The following CCDC192 variants were observed in gnomAD, a reference collection of about 807,000 sequenced individuals.
CCDC192 encodes coiled-coil domain-containing protein 192.
Position 127,785,643 on chromosome 5 carries a change from G to A in CCDC192, c.223-11460G>A, listed in dbSNP as rs565532526. On this transcript the variant is annotated intron_variant, in intron 3 of 6. Transcript: ENST00000514853. ...TTCTGGTAGATGAGCCTCTTGGCCA[G>A]CATTTTTGCATAGAACTTCTGAAAC... The A allele has an allele frequency of 9.6e-5, 16 of 166,224 alleles. No individual in the cohort carries two copies. In the South Asian group the frequency reaches 1.9e-3, roughly 19 times the overall value. 10.3% of individuals were successfully genotyped at this position (166,224 alleles called of 1,614,324 possible).
At chr5:127,793,602 A>T (rs1757002723) in intron 3 of CCDC192, among the ~76,000 whole-genome samples, 1 of 152,332 alleles carries the variant, frequency 6.6e-6, no homozygotes, top group Non-Finnish European at 1.5e-5. Context: ...ACACAAGTTA[A>T]TTCACCACTA....
chr5:127,708,887 C>T (rs891945369), intron 2 of CCDC192, among the ~76,000 whole-genome samples: 1 of 151,860 alleles, frequency 6.6e-6, no homozygotes, highest in Non-Finnish European at 1.5e-5. Context: ...CGTTGGAATC[C>T]CGGCATCACT....
chr5:127,867,149 T>C (rs1751646874), intron 5 of CCDC192, among the ~76,000 whole-genome samples: 1 of 152,206 alleles, frequency 6.6e-6, no homozygotes, highest in Admixed American at 6.5e-5. Context: ...CCAAAAACTC[T>C]AAAGGTGAAT....
At chr5:127,908,573 A>G (rs1753261814) in intron 6 of CCDC192, among the ~76,000 whole-genome samples, 1 of 152,262 alleles carries the variant, frequency 6.6e-6, no homozygotes, top group Non-Finnish European at 1.5e-5. Context: ...CACATGCTCA[A>G]GAAAAACTTA....
chr5:127,809,058 G>T (rs1757942126), intron 5 of CCDC192, among the ~76,000 whole-genome samples: 1 of 152,048 alleles, frequency 6.6e-6, no homozygotes, highest in African/African-American at 2.4e-5. Context: ...ATAAAAATTT[G>T]CATCTCAAGG....
chr5:127,723,323 CTAAATTTG>C (rs967761064), intron 2 of CCDC192, among the ~76,000 whole-genome samples: 6 of 150,708 alleles, frequency 4.0e-5, no homozygotes, highest in African/African-American at 1.2e-4. Flanking sequence ...TACAACTTTA[CTAAATTTG>C]TTTGTCAGTT....
At chr5:127,894,122 T>G (rs959561554) in intron 6 of CCDC192, among the ~76,000 whole-genome samples, 1 of 151,980 alleles carries the variant, frequency 6.6e-6, no homozygotes, top group African/African-American at 2.4e-5. Context: ...CAGGCCCTAC[T>G]ACTTAAAGGA....
At chr5:127,791,850 T>C (rs937257499) in intron 3 of CCDC192, among the ~76,000 whole-genome samples, 12 of 152,138 alleles carry the variant, frequency 7.9e-5, no homozygotes, top group Admixed American at 3.3e-4. Flanking sequence ...AAGAAGACAC[T>C]GACAGAAACC....
In CCDC192 at chr5:127,884,269, G is replaced by T. The variant is rs546921783; in HGVS notation, c.535+8608G>T. ...GAGGCAGAAGAATGGCGTGAACCCG[G>T]GAGGCGGAGCTTGCAGTGAGGCGAG... On this transcript the variant is annotated intron_variant, in intron 6 of 6. Coordinates refer to ENST00000514853, the MANE Select transcript of CCDC192 (RefSeq NM_001317938.2). Among the ~76,000 whole-genome samples the T allele has an allele frequency of 1.2e-4, 18 of 149,524 alleles. 1 individual carries two copies. In the South Asian group the frequency reaches 3.4e-3, roughly 29 times the overall value.
At chr5:127,863,675 CG>C (rs1561529179) in intron 5 of CCDC192, among the ~76,000 whole-genome samples, 2 of 152,094 alleles carry the variant, frequency 1.3e-5, no homozygotes, top group African/African-American at 4.8e-5. Flanking sequence ...CACTTAGAAA[CG>C]GTTAAAATTA....
intron 6 of CCDC192, among the ~76,000 whole-genome samples, chr5:127,912,553 G>A (rs1753404629): frequency 6.6e-6 from 1 of 151,978 alleles, no homozygotes; most frequent in African/African-American, 2.4e-5. Flanking sequence ...GACATCACAG[G>A]AGAACACCGA....
intron 5 of CCDC192, among the ~76,000 whole-genome samples, chr5:127,871,091 C>T (rs1318667775): frequency 6.6e-6 from 1 of 152,190 alleles, no homozygotes; most frequent in Non-Finnish European, 1.5e-5. Context: ...AGAGAGCTGC[C>T]GTGAGGAGCA....
At chr5:127,897,888 C>A (rs891108971) in intron 6 of CCDC192, among the ~76,000 whole-genome samples, 7 of 152,052 alleles carry the variant, frequency 4.6e-5, no homozygotes, top group African/African-American at 1.7e-4. Flanking sequence ...AATTAATTGA[C>A]CTGATTCTAT....
At chr5:127,884,342 CAAAAAAAAAAAAA>C (rs778430655) in intron 6 of CCDC192, among the ~76,000 whole-genome samples, 1 of 11,842 alleles carries the variant, frequency 8.4e-5, no homozygotes, top group African/African-American at 2.2e-4. Flanking sequence ...GACTCCGTCT[CAAAAAAAAAAAAA>C]AAAAAAAAAA....
At chr5:127,823,501 T>A (rs1308846611) in intron 5 of CCDC192, among the ~76,000 whole-genome samples, 1 of 152,240 alleles carries the variant, frequency 6.6e-6, no homozygotes, top group East Asian at 1.9e-4. Flanking sequence ...CACTGAAGAC[T>A]ATTTTATTAA....
intron 2 of CCDC192, among the ~76,000 whole-genome samples, chr5:127,747,835 A>C (rs1408132525): frequency 1.4e-5 from 2 of 145,918 alleles, no homozygotes; most frequent in Non-Finnish European, 3.0e-5. Context: ...TGTGGTTTTG[A>C]TTTGCATTTC....
At chr5:127,792,682 G>A (rs1047812074) in intron 3 of CCDC192, among the ~76,000 whole-genome samples, 2 of 151,596 alleles carry the variant, frequency 1.3e-5, no homozygotes, top group African/African-American at 4.9e-5. Flanking sequence ...CTCCAGCTTG[G>A]GTGACAGAGC....
At chr5:127,705,645 G>A (rs1010937040) in intron 1 of CCDC192, among the ~76,000 whole-genome samples, 5 of 152,076 alleles carry the variant, frequency 3.3e-5, no homozygotes, top group African/African-American at 1.2e-4. Context: ...TGACTGGTAG[G>A]GTCAGAGGGC....
At chr5:127,818,055 A>G (rs1279021563) in intron 5 of CCDC192, among the ~76,000 whole-genome samples, 1 of 152,220 alleles carries the variant, frequency 6.6e-6, no homozygotes, top group Non-Finnish European at 1.5e-5. Flanking sequence ...AGAATAAAGT[A>G]TATGAAAAAA....
Sources: gnomAD v4.1 joint callset for allele counts (sites outside exome capture counted in the v4.1 genomes callset) on GRCh38, gnomAD v4.1.1 for gene constraint, MANE v1.5 for transcripts, NCBI Gene and HGNC (gene_info 2026-07-23, HGNC 2026-07-21) for gene names.